PIK3R4: variants seen among roughly 807,000 people sequenced by gnomAD.
PIK3R4 encodes the protein phosphoinositide 3-kinase regulatory subunit 4.
PIK3R4 carries 46 observed loss-of-function variants against 136.5 expected under a neutral mutation model. That is an observed-to-expected ratio of 0.34 (90% CI 0.27 to 0.43). The LOEUF (loss-of-function observed/expected upper bound fraction) is 0.43. Among genes scored for constraint, PIK3R4 ranks in the 20% least tolerant of loss-of-function variants. The pLI, the probability that PIK3R4 is intolerant of heterozygous loss-of-function variation, is 1.00. For missense variants in PIK3R4, 1,331 were observed against 1,649.5 expected, an observed-to-expected ratio of 0.81 and a Z score of 3.35; for synonymous variants, 557 against 566.7, an observed-to-expected ratio of 0.98 and a Z score of 0.24.
chr3:130,684,012 A>G (rs1158853757), intron 16 of PIK3R4, among the ~76,000 whole-genome samples: 1 of 152,110 alleles, frequency 6.6e-6, no homozygotes, highest in Admixed American at 6.6e-5. Flanking sequence ...GGAAGAAGAA[A>G]AAAGGGATAG....
intron 13 of PIK3R4, among the ~76,000 whole-genome samples, chr3:130,693,709 C>T (rs149270554): frequency 0.01 from 1,525 of 152,182 alleles, 34 homozygotes; most frequent in African/African-American, 0.034. Context: ...TATGTTATTT[C>T]TCCCATTCTG....
chr3:130,706,842 G>A, intron 11 of PIK3R4, 106 bp downstream of exon 11: 2 of 737,272 alleles, frequency 2.7e-6, no homozygotes, highest in East Asian at 3.1e-5. Flanking sequence ...TAAAAGACAA[G>A]TCACCATATT....
Position 130,733,543 on chromosome 3 carries a change from C to G in PIK3R4, c.1450+5G>C. Reference sequence around the variant, plus strand: ...GTGGCTAATATTTGGACAATAAACTCTTACCAGCATAGGCTAGTCTAACGA... The same window carrying G: ...GTGGCTAATATTTGGACAATAAACTGTTACCAGCATAGGCTAGTCTAACGA... On this transcript the variant is annotated splice_donor_5th_base_variant and intron_variant, in intron 4 of 19. Coordinates refer to ENST00000356763, the MANE Select transcript of PIK3R4 (RefSeq NM_014602.3). 1 of 1,588,480 alleles carries G rather than the reference C, an allele frequency of 6.3e-7. No homozygotes were observed. The highest frequency in any genetic ancestry group is 1.1e-5 in the South Asian group (1 of 90,452).
At chr3:130,732,987 T>C (rs2066766813) in intron 4 of PIK3R4, among the ~76,000 whole-genome samples, 1 of 152,114 alleles carries the variant, frequency 6.6e-6, no homozygotes, top group Admixed American at 6.5e-5. Flanking sequence ...AACAAGAATC[T>C]GTATCACCTG....
At chr3:130,698,125 G>A (rs983420820) in intron 13 of PIK3R4, among the ~76,000 whole-genome samples, 2 of 152,054 alleles carry the variant, frequency 1.3e-5, no homozygotes, top group Admixed American at 1.3e-4. Context: ...TTCTCTCTCT[G>A]CTTTCAAAAT....
At chr3:130,681,718 TATAATATTCACTTA>T (rs1327608420) in intron 16 of PIK3R4, 127 bp from the exon 17 acceptor site, 9 of 595,330 alleles carry the variant, frequency 1.5e-5, no homozygotes, top group Non-Finnish European at 2.7e-5. Context: ...GGAGAGACAA[TATAATATTCACTTA>T]ATAATATTTA....
intron 9 of PIK3R4, among the ~76,000 whole-genome samples, chr3:130,710,204 A>T (rs1282359288): frequency 6.6e-6 from 1 of 151,964 alleles, no homozygotes; most frequent in Non-Finnish European, 1.5e-5. Flanking sequence ...TTTATATTGT[A>T]TTTATTTTCT....
intron 6 of PIK3R4, among the ~76,000 whole-genome samples, chr3:130,724,970 T>C (rs989720608): frequency 4.6e-5 from 7 of 152,012 alleles, no homozygotes; most frequent in Non-Finnish European, 7.4e-5. Context: ...ATTTCAACTA[T>C]TGTTTTTCAT....
At chr3:130,711,445 G>A (rs1431820565) in intron 9 of PIK3R4, among the ~76,000 whole-genome samples, 1 of 152,200 alleles carries the variant, frequency 6.6e-6, no homozygotes, top group African/African-American at 2.4e-5. Context: ...ACTCTGTGGA[G>A]CAGAGAAATG....
At chr3:130,683,024 G>GT (rs992205942) in intron 16 of PIK3R4, among the ~76,000 whole-genome samples, 5 of 152,152 alleles carry the variant, frequency 3.3e-5, no homozygotes, top group Admixed American at 2.0e-4. Context: ...TGGAGGTAGT[G>GT]AAGAGTGATC....
At chr3:130,707,589 C>A (rs1384157823) in intron 10 of PIK3R4, among the ~76,000 whole-genome samples, 2 of 151,892 alleles carry the variant, frequency 1.3e-5, no homozygotes, top group East Asian at 3.9e-4. Context: ...TGGATATAAA[C>A]CATTAAAACT....
chr3:130,728,685 C>CT lies in PIK3R4; in HGVS notation c.1586-2dup. The CT allele has an allele frequency of 6.5e-6, 5 of 768,850 alleles. No individual in the cohort carries two copies. In the South Asian group the frequency reaches 9.9e-5, roughly 15 times the overall value. The allele number at this position is 768,850 out of a possible 1,614,324, so 47.6% of individuals were successfully genotyped here. A position where few individuals can be genotyped will look rare whatever the true frequency, so the allele number is the denominator to read the frequency against. Reference sequence around the variant, plus strand: ...ACCATTTCATGTAAGGCTTGGAGCTCTAAAAAAAAAAAAAAAAGAAAGAAA... The same window carrying CT: ...ACCATTTCATGTAAGGCTTGGAGCTCTTAAAAAAAAAAAAAAAAGAAAGAAA... On this transcript the variant is annotated splice_acceptor_variant, in intron 5 of 19. Coordinates refer to ENST00000356763, the MANE Select transcript of PIK3R4 (RefSeq NM_014602.3). LOFTEE classifies it high-confidence loss of function.
At chr3:130,683,476 C>G (rs2066471020) in intron 16 of PIK3R4, among the ~76,000 whole-genome samples, 1 of 152,040 alleles carries the variant, frequency 6.6e-6, no homozygotes, top group Non-Finnish European at 1.5e-5. Flanking sequence ...GTCCTTGAAA[C>G]CAGGTAAGGA....
At chr3:130,720,904 G>T (rs2066696098) in intron 7 of PIK3R4, among the ~76,000 whole-genome samples, 1 of 152,112 alleles carries the variant, frequency 6.6e-6, no homozygotes, top group African/African-American at 2.4e-5. Flanking sequence ...AGGCGTGGTG[G>T]CACATGCTTG....
intron 2 of PIK3R4, among the ~76,000 whole-genome samples, chr3:130,738,102 G>C (rs182527981): frequency 5.8e-4 from 89 of 152,234 alleles, no homozygotes; most frequent in African/African-American, 2.0e-3. Context: ...CAATAAATTT[G>C]TTAATTTCTC....
chr3:130,737,393 C>CACA (rs2066792089), intron 2 of PIK3R4, among the ~76,000 whole-genome samples: 1 of 152,172 alleles, frequency 6.6e-6, no homozygotes, highest in African/African-American at 2.4e-5. Context: ...TGAACGGTGG[C>CACA]TCATGCCTGT....
At chr3:130,716,280 A>T in intron 9 of PIK3R4, 116 bp downstream of exon 9, 1 of 760,232 alleles carries the variant, frequency 1.3e-6, no homozygotes, top group Non-Finnish European at 2.2e-6. Context: ...AGATTTACTT[A>T]CTCATTTTTA....
chr3:130,728,437 A>T, intron 6 of PIK3R4, 26 bp downstream of exon 6: 1 of 1,455,452 alleles, frequency 6.9e-7, no homozygotes, highest in African/African-American at 1.4e-5. Context: ...AAAAATCTTA[A>T]AGGAATTTAA....
intron 7 of PIK3R4, among the ~76,000 whole-genome samples, chr3:130,723,060 C>T (rs1166286224): frequency 1.2e-4 from 3 of 24,294 alleles, no homozygotes; most frequent in Non-Finnish European, 1.8e-4. Context: ...GAGAGACTGT[C>T]GCAAAAAAAA....
Sources: allele counts gnomAD v4.1 joint callset (sites outside exome capture counted in the v4.1 genomes callset), GRCh38; gene constraint gnomAD v4.1.1; transcripts MANE v1.5; gene names NCBI Gene and HGNC (gene_info 2026-07-23, HGNC 2026-07-21).